The following TNRC6B variants were observed in gnomAD, a reference collection of about 807,000 sequenced individuals.
The protein encoded by TNRC6B is trinucleotide repeat-containing gene 6B protein.
A neutral mutation model predicts 203.6 loss-of-function variants in TNRC6B; 52 were observed. The ratio of observed to expected loss-of-function variants is 0.26; its 90% CI spans 0.20 to 0.32. The LOEUF is 0.32. Among genes scored for constraint, TNRC6B ranks in the 10% least tolerant of loss-of-function variants. The probability of loss-of-function intolerance (pLI) is 1.00; values close to 1 mark genes in which losing one functional copy is unlikely to be tolerated. For missense variants in TNRC6B, 1,923 were observed against 2,286.2 expected (o/e 0.84, Z 3.24); for synonymous variants, 838 against 845.7 (o/e 0.99, Z 0.16).
At chr22:40,088,584 T>TG (rs2068120522) in intron 1 of TNRC6B, among the ~76,000 whole-genome samples, 35 of 125,230 alleles carry the variant, frequency 2.8e-4, no homozygotes, top group African/African-American at 9.7e-4. Context: ...GCGGCTACTT[T>TG]TGTGTGTGTG....
chr22:40,212,856 G>A (rs1248108685), intron 1 of TNRC6B, among the ~76,000 whole-genome samples: 1 of 152,064 alleles, frequency 6.6e-6, no homozygotes, highest in South Asian at 2.1e-4. Context: ...CACCATGTTG[G>A]CCAGGCTGGT....
intron 12 of TNRC6B, among the ~76,000 whole-genome samples, chr22:40,286,253 A>G (rs555692870): frequency 6.6e-6 from 1 of 152,284 alleles, no homozygotes. Flanking sequence ...GCTTGAGGCC[A>G]GGATCACTTG....
intron 1 of TNRC6B, among the ~76,000 whole-genome samples, chr22:40,230,926 G>A (rs1381635530): frequency 1.3e-5 from 2 of 151,940 alleles, no homozygotes; most frequent in Middle Eastern, 3.2e-3. Context: ...TATTGCCAAG[G>A]TACAAATTGA....
chr22:40,111,964 G>A (rs531707595), intron 1 of TNRC6B, among the ~76,000 whole-genome samples: 30 of 152,262 alleles, frequency 2.0e-4, no homozygotes, highest in Admixed American at 1.6e-3. Flanking sequence ...AGCTGAGTGC[G>A]GTGGCAGGCG....
In TNRC6B at chr22:40,232,805, G is replaced by A. The variant is rs1362353705; in HGVS notation, c.6-13210G>A. On this transcript the variant is annotated intron_variant, in intron 1 of 22. Coordinates refer to ENST00000454349, the MANE Select transcript of TNRC6B (RefSeq NM_001162501.2). The stretch of plus-strand genomic sequence containing the variant: ...AGGCAGGCGGATCACTTGATAACAG[G>A]AATTCGAGACCAGCCTGGCCAACAT... Among the ~76,000 whole-genome samples the A allele has an allele frequency of 2.6e-5, 4 of 152,192 alleles. No homozygotes were observed. In the East Asian group the frequency reaches 5.8e-4, roughly 22 times the overall value.
intron 1 of TNRC6B, among the ~76,000 whole-genome samples, chr22:40,103,776 G>A (rs1223026980): frequency 6.7e-6 from 1 of 149,592 alleles, no homozygotes. Context: ...CCGAGTGACT[G>A]GGATTATAGG....
chr22:40,322,761 CT>C, intron 22 of TNRC6B, 92 bp from the exon 23 acceptor site: 1 of 1,451,808 alleles, frequency 6.9e-7, no homozygotes, highest in Non-Finnish European at 9.4e-7. Context: ...AGTCAAAGGA[CT>C]GCACATTGAA....
At chr22:40,098,059 G>A (rs576977900) in intron 1 of TNRC6B, among the ~76,000 whole-genome samples, 2 of 152,130 alleles carry the variant, frequency 1.3e-5, no homozygotes, top group East Asian at 1.9e-4. Flanking sequence ...TGAGGTGTGT[G>A]TGTGTGTAAG....
At position 40,252,427 on chromosome 22, in the gene TNRC6B, A is replaced by ATTGTT. The variant is rs568392088; in HGVS notation, c.115+1243_115+1247dup. On this transcript the variant is annotated intron_variant, in intron 3 of 22. Coordinates refer to ENST00000454349, the MANE Select transcript of TNRC6B (RefSeq NM_001162501.2). ...AAGCCCTGTAATGATTGGTTTCTTC[A>ATTGTT]TTGTTTTGTTTTGTTTTGTTGGACT... is the stretch of plus-strand genomic sequence containing the variant. 1.5e-3 allele frequency among the ~76,000 whole-genome samples: 234 copies of ATTGTT among 152,310 alleles called. 3 individuals carry two copies. Among genetic ancestry groups the ATTGTT allele is most frequent in the African/African-American group, 5.4e-3 (224 of 41,562 alleles).
intron 9 of TNRC6B, among the ~76,000 whole-genome samples, chr22:40,279,384 A>G (rs952254574): frequency 6.6e-6 from 1 of 152,238 alleles, no homozygotes; most frequent in Non-Finnish European, 1.5e-5. Flanking sequence ...AGCACTGGTT[A>G]TATCAGCAGA....
At chr22:40,267,321 T>C (rs1178482779) in intron 5 of TNRC6B, among the ~76,000 whole-genome samples, 4 of 152,240 alleles carry the variant, frequency 2.6e-5, no homozygotes, top group Non-Finnish European at 5.9e-5. Context: ...AAAAGACATA[T>C]CTTGCCAAAC....
chr22:40,265,456 C>T lies in TNRC6B; in HGVS notation c.1226C>T (p.Ala409Val). 1 of 1,613,954 alleles carries T rather than the reference C, an allele frequency of 6.2e-7. No homozygotes were observed. The highest frequency in any genetic ancestry group is 8.5e-7 in the Non-Finnish European group (1 of 1,179,866). Reference sequence around the variant, plus strand: ...GGGAACACCTCCAGGAGCACTGATGCCCCTTCACAAAGCACTGGAGATCGA... The same window carrying T: ...GGGAACACCTCCAGGAGCACTGATGTCCCTTCACAAAGCACTGGAGATCGA... ...GLGNTSRSTD[A>V]PSQSTGDRKT... Residue 409 changes from alanine (A) to valine (V), a missense_variant, in exon 5 of 23, where the codon GCC becomes GTC. This residue lies in a region of TNRC6B where 614 missense variants were observed against 587.7 expected (regional missense o/e 1.04). Transcript: ENST00000454349.
At chr22:40,172,034 T>TA (rs947982062) in intron 4 of TNRC6B, among the ~76,000 whole-genome samples, 10 of 151,480 alleles carry the variant, frequency 6.6e-5, no homozygotes, top group African/African-American at 2.2e-4. Flanking sequence ...AATTTTTTTT[T>TA]AATTTTTATT....
Position 40,155,998 on chromosome 22 carries a change from G to A in TNRC6B, c.46-117G>A, listed in dbSNP as rs538723680. 230 of 831,328 alleles carry A rather than the reference G, an allele frequency of 2.8e-4. 6 individuals carry two copies. In the South Asian group the frequency reaches 4.0e-3, roughly 14 times the overall value. 51.5% of individuals were successfully genotyped at this position (831,328 alleles called of 1,614,324 possible). ...TTGAAAACCATTGGCCCAGGCTTCT[G>A]TTCTGTGCACCACAGTGAAACGGCC... On this transcript the variant is annotated intron_variant, in intron 3 of 23. Transcript: ENST00000301923.
chr22:40,316,049 T>A, intron 21 of TNRC6B, 37 bp downstream of exon 21: 1 of 1,585,058 alleles, frequency 6.3e-7, no homozygotes, highest in Non-Finnish European at 8.7e-7. Context: ...AGATAGGACT[T>A]GATTGTATTA....
chr22:40,170,536 A>ATATATATATTATATATATAGTT lies in TNRC6B; in HGVS notation c.113+14386_113+14407dup, dbSNP rs1351404369. On this transcript the variant is annotated intron_variant, in intron 4 of 23. Transcript: ENST00000301923. ...TATATATATATTATATATATAGTTT[A>ATATATATATTATATATATAGTT]TATATATATTATATATATAGTTTAT... is the stretch of plus-strand genomic sequence containing the variant. 2.4e-3 allele frequency among the ~76,000 whole-genome samples: 216 copies of ATATATATATTATATATATAGTT among 89,108 alleles called. 11 individuals are homozygous for ATATATATATTATATATATAGTT. Among genetic ancestry groups the ATATATATATTATATATATAGTT allele is most frequent in the Middle Eastern group, 0.013 (1 of 80 alleles). The allele number at this position is 89,108 out of a possible 152,430, so 58.5% of individuals were successfully genotyped here.
At chr22:40,315,239 G>T in intron 19 of TNRC6B, 44 bp from the exon 20 acceptor site, 2 of 1,527,560 alleles carry the variant, frequency 1.3e-6, no homozygotes, top group South Asian at 2.3e-5. Flanking sequence ...CAACAAAAGT[G>T]AACCGTCTAA....
chr22:40,115,591 G>T (rs1227137096), intron 1 of TNRC6B, among the ~76,000 whole-genome samples: 1 of 152,130 alleles, frequency 6.6e-6, no homozygotes, highest in African/African-American at 2.4e-5. Flanking sequence ...TGTCAGACAT[G>T]GTCCTTGCTA....
chr22:40,056,474 G>A (rs1030699372), intron 1 of TNRC6B, among the ~76,000 whole-genome samples: 1 of 152,154 alleles, frequency 6.6e-6, no homozygotes, highest in African/African-American at 2.4e-5. Context: ...GCAGGACGAG[G>A]TTGAGAAGGC....
Sources: allele counts gnomAD v4.1 joint callset (sites outside exome capture counted in the v4.1 genomes callset), GRCh38; gene constraint gnomAD v4.1.1; regional missense constraint gnomAD v4.1.1; transcripts MANE v1.5; gene names NCBI Gene and HGNC (gene_info 2026-07-23, HGNC 2026-07-21).